Variants in ABLIM2 observed in about 807,000 individuals in gnomAD.
ABLIM2 encodes the protein actin-binding LIM protein 2.
ABLIM2 carries 53 observed loss-of-function variants against 97.7 expected under a neutral mutation model. The observed-to-expected ratio is 0.54, with a 90% confidence interval of 0.44 to 0.68. ABLIM2 has a LOEUF of 0.68. ABLIM2 is among the 30% of genes least tolerant of loss of function. ABLIM2 has a pLI of 0.00. For missense variants in ABLIM2, 835 were observed against 867.2 expected (o/e 0.96, Z 0.47); for synonymous variants, 361 against 345.8 (o/e 1.04, Z -0.49).
At position 8,088,256 on chromosome 4, in the gene ABLIM2, T is replaced by A. The variant is rs767122513; in HGVS notation, c.367A>T (p.Thr123Ser). 119 of 1,611,694 alleles carry A rather than the reference T, an allele frequency of 7.4e-5. No homozygotes were observed. The Admixed American group carries it at 2.0e-3, about 27-fold the overall frequency. The change falls in exon 4 of 21, where the codon ACC (threonine) becomes TCC (serine). Residue 123 changes from threonine (T) to serine (S), a missense_variant. Coordinates refer to ENST00000447017, the MANE Select transcript of ABLIM2 (RefSeq NM_001130083.2). ...CACATGCATTCCTTCCCGTTGAAGG[T>A]CACTCGGTCCCCGGGGGGGAAGGGC... ...RLPFPPGDRV[T>S]FNGKECMCQK...
At position 8,043,048 on chromosome 4, in the gene ABLIM2, T is replaced by G. The variant is rs1362675118; in HGVS notation, c.900+2116A>C. Among the ~76,000 whole-genome samples the G allele has an allele frequency of 6.6e-6, 1 of 151,482 alleles. No homozygotes were observed. Among genetic ancestry groups the G allele is most frequent in the African/African-American group, 2.4e-5 (1 of 41,146 alleles). ...TGCCTGTAGTCCCAGCTACTCGGGA[T>G]GCTGAGGTGGGAGGATCGCCTGAGC... On this transcript the variant is annotated intron_variant, in intron 9 of 20. Transcript: ENST00000447017. The surrounding 1 kb of genome is among the most constrained non-coding windows in gnomAD (Gnocchi z 4.8).
chr4:8,142,955 G>A (rs1304279108), intron 1 of ABLIM2, among the ~76,000 whole-genome samples: 4 of 152,136 alleles, frequency 2.6e-5, no homozygotes, highest in Admixed American at 1.3e-4. Flanking sequence ...GCACAGGGAC[G>A]TGGCCTTGGG....
intron 1 of ABLIM2, among the ~76,000 whole-genome samples, chr4:8,126,210 C>G (rs1034838301): frequency 2.0e-5 from 3 of 152,168 alleles, no homozygotes; most frequent in Non-Finnish European, 2.9e-5. Flanking sequence ...GGGCAGAACC[C>G]ACAGGCCAGA....
At chr4:8,108,281 C>T (rs1200880947) in intron 1 of ABLIM2, among the ~76,000 whole-genome samples, 1 of 152,252 alleles carries the variant, frequency 6.6e-6, no homozygotes, top group Non-Finnish European at 1.5e-5. Context: ...CACCGCAGTG[C>T]GGCAGCCCAG....
intron 1 of ABLIM2, among the ~76,000 whole-genome samples, chr4:8,151,888 G>T (rs1712968900): frequency 6.6e-6 from 1 of 151,848 alleles, no homozygotes; most frequent in Non-Finnish European, 1.5e-5. Flanking sequence ...AGAGGGTCAG[G>T]GTTCCAGGGG....
At chr4:7,967,293 C>T (rs757862517) in intron 20 of ABLIM2, among the ~76,000 whole-genome samples, 190 bp from the exon 21 acceptor site, 3 of 152,188 alleles carry the variant, frequency 2.0e-5, no homozygotes, top group Non-Finnish European at 4.4e-5. Context: ...CAGAGGACAG[C>T]GACCCTGCCA....
chr4:8,100,240 A>G (rs1833839292), intron 2 of ABLIM2, among the ~76,000 whole-genome samples: 1 of 152,208 alleles, frequency 6.6e-6, no homozygotes, highest in Admixed American at 6.5e-5. Flanking sequence ...ACAGAAATTC[A>G]GTTGCAACAA....
rs542633322 is a variant in ABLIM2 at position 7,983,729 on chromosome 4, GGGGCCCTGA to G, written c.1736-184_1736-176del. On this transcript the variant is annotated intron_variant, in intron 18 of 20. Transcript: ENST00000447017. ...CCCTAATCTCAGAGCTGCAGGCAGA[GGGGCCCTGA>G]GGGCCTCCCCCGGGAAACCAGAGCA... Among the ~76,000 whole-genome samples, 716 of 152,262 alleles carry G rather than the reference GGGGCCCTGA, an allele frequency of 4.7e-3. 5 individuals carry two copies. The highest frequency in any genetic ancestry group is 0.015 in the African/African-American group (625 of 41,480).
chr4:7,981,235 G>A (rs77124342), intron 20 of ABLIM2, among the ~76,000 whole-genome samples: 1 of 151,880 alleles, frequency 6.6e-6, no homozygotes, highest in African/African-American at 2.4e-5. Context: ...GAGCCACCAC[G>A]CCCAGTGCAA....
chr4:8,109,675 T>G (rs892538572), intron 1 of ABLIM2, among the ~76,000 whole-genome samples: 1 of 152,020 alleles, frequency 6.6e-6, no homozygotes, highest in African/African-American at 2.4e-5. Context: ...AGGCCAGGGG[T>G]TCCAAACAGA....
intron 8 of ABLIM2, among the ~76,000 whole-genome samples, chr4:8,045,568 A>G (rs1791782531): frequency 6.6e-6 from 1 of 152,138 alleles, no homozygotes; most frequent in African/African-American, 2.4e-5. Flanking sequence ...AGAATCGCTT[A>G]AACCTGGGAG....
chr4:8,129,711 G>T (rs577939074), intron 1 of ABLIM2, among the ~76,000 whole-genome samples: 14 of 151,368 alleles, frequency 9.2e-5, no homozygotes, highest in Admixed American at 3.9e-4. Context: ...CAGTGGGGCT[G>T]GGAGCAGAGA....
Position 7,994,775 on chromosome 4 carries a change from C to CCATTCTA in ABLIM2, c.1619-1849_1619-1848insTAGAATG. On this transcript the variant is annotated intron_variant, in intron 16 of 20. Transcript: ENST00000447017. ...TCCAGCACCTGTTGTTTCCTGACTT[C>CCATTCTA]ATGTCCAAAACACCAAAAGCAATGG... Among the ~76,000 whole-genome samples the CCATTCTA allele has an allele frequency of 2.6e-5, 3 of 116,916 alleles. 1 individual carries two copies. The highest frequency in any genetic ancestry group is 6.2e-5 in the Non-Finnish European group (3 of 48,200). 76.7% of individuals were successfully genotyped at this position (116,916 alleles called of 152,430 possible).
chr4:8,066,432 A>AAGGAAGGGG (rs1807749637), intron 6 of ABLIM2: 1 of 135,502 alleles, frequency 7.4e-6, no homozygotes, highest in African/African-American at 2.7e-5. Context: ...GAAGGAAGGG[A>AAGGAAGGGG]GGGGTGGTTC....
rs1232052187 is a variant in ABLIM2, at chr4:8,001,062, G to A, written c.1618+6997C>T. 6.6e-6 allele frequency among the ~76,000 whole-genome samples: 1 copy of A among 152,230 alleles called. No homozygotes were observed. The highest frequency in any genetic ancestry group is 2.4e-5 in the African/African-American group (1 of 41,464). ...CCTGGGTGCACGGGCAGGAGGTTTG[G>A]AGGCTGTGGCACTGCACAGGTTCGG... On this transcript the variant is annotated intron_variant, in intron 16 of 20. Coordinates refer to ENST00000447017, the MANE Select transcript of ABLIM2 (RefSeq NM_001130083.2). This position sits in a 1 kb window ranked among gnomAD's most constrained non-coding sequence, Gnocchi z 4.2.
At chr4:8,016,460 C>T (rs961260639) in intron 14 of ABLIM2, among the ~76,000 whole-genome samples, 1 of 152,156 alleles carries the variant, frequency 6.6e-6, no homozygotes, top group African/African-American at 2.4e-5. Flanking sequence ...AGCCTCAAAG[C>T]CCCACGGGTT....
chr4:7,973,496 G>T (rs1012896583), intron 20 of ABLIM2, among the ~76,000 whole-genome samples: 21 of 147,246 alleles, frequency 1.4e-4, no homozygotes, highest in African/African-American at 4.9e-4. Flanking sequence ...GTGAGACTAC[G>T]TCTTGAAAAA....
At chr4:8,008,426 C>T (rs765845304) in intron 15 of ABLIM2, among the ~76,000 whole-genome samples, 3 of 152,206 alleles carry the variant, frequency 2.0e-5, no homozygotes, top group Non-Finnish European at 4.4e-5. Flanking sequence ...AACGGAGCTG[C>T]CCCATCTTAC....
chr4:8,153,963 C>CTTTTTTTTTT (rs55681745), intron 1 of ABLIM2, among the ~76,000 whole-genome samples: 5 of 131,866 alleles, frequency 3.8e-5, no homozygotes, highest in Admixed American at 8.1e-5. Flanking sequence ...AACTTCTTTT[C>CTTTTTTTTTT]TTTTTTTTTT....
Sources: allele counts gnomAD v4.1 joint callset (sites outside exome capture counted in the v4.1 genomes callset), GRCh38; gene constraint gnomAD v4.1.1; non-coding constraint Gnocchi (gnomAD v3.1); transcripts MANE v1.5; gene names NCBI Gene and HGNC (gene_info 2026-07-23, HGNC 2026-07-21).